Variants in MAML2 observed in about 807,000 individuals in gnomAD.
The protein encoded by MAML2 is mastermind like transcriptional coactivator 2.
MAML2 carries 22 observed loss-of-function variants against 96.1 expected under a neutral mutation model. That is an observed-to-expected ratio of 0.23 (90% confidence interval 0.16 to 0.33). The LOEUF is 0.33. Among genes scored for constraint, MAML2 ranks in the 10% least tolerant of loss-of-function variants. MAML2 has a pLI of 1.00. For missense variants in MAML2, 1,367 were observed against 1,392.4 expected (o/e 0.98, Z 0.29); for synonymous variants, 561 against 521.3 (o/e 1.08, Z -1.04).
chr11:96,238,013 G>T (rs576246591), intron 1 of MAML2, among the ~76,000 whole-genome samples: 2 of 152,130 alleles, frequency 1.3e-5, no homozygotes, highest in Admixed American at 6.5e-5. Flanking sequence ...AATGCTTTCC[G>T]TGCCACCAAA....
intron 1 of MAML2, among the ~76,000 whole-genome samples, chr11:96,121,797 T>TTTTTTTTTTC (rs1221618668): frequency 3.6e-5 from 4 of 110,044 alleles, no homozygotes; most frequent in African/African-American, 1.4e-4. Context: ...TTTTTTTTTT[T>TTTTTTTTTTC]TTTTTTTGAG....
chr11:96,342,441 C>T lies in MAML2; in HGVS notation c.-546G>A. ...GTAACCAGCAGCCTTGACTTTTCCTCAGGTTAAATAAAAAACCAAAACAAA... is the reference window on the plus strand; with the variant it reads ...GTAACCAGCAGCCTTGACTTTTCCTTAGGTTAAATAAAAAACCAAAACAAA... On this transcript the variant is annotated 5_prime_UTR_variant, in exon 1 of 5. Coordinates refer to ENST00000524717, the MANE Select transcript of MAML2 (RefSeq NM_032427.4). The T allele has an allele frequency of 5.0e-6, 2 of 398,690 alleles. No individual in the cohort carries two copies. Among genetic ancestry groups the T allele is most frequent in the Non-Finnish European group, 8.8e-6 (2 of 226,138 alleles). 24.7% of individuals were successfully genotyped at this position (398,690 alleles called of 1,614,324 possible).
intron 1 of MAML2, among the ~76,000 whole-genome samples, chr11:96,150,729 G>A (rs1026563089): frequency 6.6e-5 from 10 of 152,186 alleles, no homozygotes; most frequent in Admixed American, 5.9e-4. Context: ...GATAGTCCTC[G>A]TCTCCATCCC....
intron 2 of MAML2, among the ~76,000 whole-genome samples, chr11:96,011,448 G>A (rs1004024091): frequency 1.3e-5 from 2 of 152,122 alleles, no homozygotes; most frequent in Non-Finnish European, 2.9e-5. Context: ...GGCCATTCTT[G>A]TAAGTGAATG....
At position 96,068,915 on chromosome 11, in the gene MAML2, CTT is replaced by C. The variant is rs71040128; in HGVS notation, c.2139+22975_2139+22976del. 6.5e-3 allele frequency among the ~76,000 whole-genome samples: 695 copies of C among 106,494 alleles called. 7 individuals are homozygous for C. The highest frequency in any genetic ancestry group is 0.02 in the African/African-American group (544 of 26,720). The allele number at this position is 106,494 out of a possible 152,430, so 69.9% of individuals were successfully genotyped here. ...ATAATTTTTCCTTCCTTCTTCCCTC[CTT>C]TTTTTTTTTTTTTTTTTTTTTAAAG... On this transcript the variant is annotated intron_variant, in intron 2 of 4. Transcript: ENST00000524717.
At chr11:96,108,648 T>C (rs2155227) in intron 1 of MAML2, among the ~76,000 whole-genome samples, 28,288 of 152,156 alleles carry the variant, frequency 0.19, 2,917 homozygotes, top group Middle Eastern at 0.28. Context: ...TGACCAATAA[T>C]ACCAGCTATT....
chr11:96,055,761 A>G (rs991809265), intron 2 of MAML2, among the ~76,000 whole-genome samples: 2 of 152,204 alleles, frequency 1.3e-5, no homozygotes, highest in South Asian at 2.1e-4. Flanking sequence ...GTAAACATCA[A>G]TCTTAGGCTG....
chr11:96,227,858 T>C (rs1248260572), intron 1 of MAML2, among the ~76,000 whole-genome samples: 1 of 152,162 alleles, frequency 6.6e-6, no homozygotes, highest in Non-Finnish European at 1.5e-5. Context: ...TCCCAGCATT[T>C]TGGGAGGCCA....
intron 1 of MAML2, among the ~76,000 whole-genome samples, chr11:96,164,010 C>G (rs113558463): frequency 6.6e-6 from 1 of 151,592 alleles, no homozygotes; most frequent in Admixed American, 6.6e-5. Flanking sequence ...CTACAGGTAC[C>G]CATCCACGCC....
intron 3 of MAML2, among the ~76,000 whole-genome samples, chr11:95,989,169 G>A (rs554508735): frequency 4.6e-5 from 7 of 152,330 alleles, no homozygotes; most frequent in Admixed American, 1.3e-4. Flanking sequence ...ATGAGACAAC[G>A]TCTCAATTTA....
chr11:96,027,210 T>TCA (rs1565193157), intron 2 of MAML2, among the ~76,000 whole-genome samples: 9 of 151,588 alleles, frequency 5.9e-5, no homozygotes, highest in African/African-American at 2.2e-4. Context: ...ATGCATTCAT[T>TCA]TATTCATTCA....
chr11:96,269,108 TG>T (rs1862874268), intron 1 of MAML2, among the ~76,000 whole-genome samples: 1 of 145,118 alleles, frequency 6.9e-6, no homozygotes, highest in Non-Finnish European at 1.5e-5. Flanking sequence ...TTATTTTTAT[TG>T]GAACTGCTAG....
chr11:96,296,392 C>G (rs181136397), intron 1 of MAML2, among the ~76,000 whole-genome samples: 37 of 152,276 alleles, frequency 2.4e-4, no homozygotes, highest in African/African-American at 7.0e-4. Context: ...CACCTATAAT[C>G]CCAGCACTTT....
chr11:95,986,759 A>G (rs1857835192), intron 3 of MAML2, among the ~76,000 whole-genome samples: 1 of 152,148 alleles, frequency 6.6e-6, no homozygotes, highest in African/African-American at 2.4e-5. Context: ...CTTTCCTGAC[A>G]CACAATACGA....
At chr11:96,219,157 A>G (rs561932009) in intron 1 of MAML2, among the ~76,000 whole-genome samples, 2 of 152,356 alleles carry the variant, frequency 1.3e-5, no homozygotes, top group South Asian at 2.1e-4. Context: ...CTTTAAAACA[A>G]CATAAATAAG....
In MAML2 at chr11:96,163,863, T is replaced by C. The variant is rs976338488; in HGVS notation, c.514-70346A>G. The stretch of plus-strand genomic sequence containing the variant: ...ATACTGAGCTTTCTTTCTCTCTTTC[T>C]TTTTTTTTTTTTTTTTGAGATGGAG... On this transcript the variant is annotated intron_variant, in intron 1 of 4. Transcript: ENST00000524717. Among the ~76,000 whole-genome samples, 3 of 104 alleles carry C rather than the reference T, an allele frequency of 0.029. No individual in the cohort carries two copies. In the South Asian group the frequency reaches 0.5, roughly 17 times the overall value. The allele number at this position is 104 out of a possible 152,430, so 0.1% of individuals were successfully genotyped here.
chr11:95,996,432 G>A (rs1023178307), intron 2 of MAML2, among the ~76,000 whole-genome samples: 1 of 151,976 alleles, frequency 6.6e-6, no homozygotes, highest in Non-Finnish European at 1.5e-5. Flanking sequence ...TTTCCTTCAC[G>A]GTACCAAAAG....
chr11:96,029,032 CCACT>C (rs1277538827), intron 2 of MAML2, among the ~76,000 whole-genome samples: 1 of 152,146 alleles, frequency 6.6e-6, no homozygotes, highest in African/African-American at 2.4e-5. Flanking sequence ...TCTCCAGGCC[CCACT>C]CACTATCTTC....
In MAML2 at chr11:96,098,943, T is replaced by C. The variant is rs532592427; in HGVS notation, c.514-5426A>G. On this transcript the variant is annotated intron_variant, in intron 1 of 4. Transcript: ENST00000524717. ...GCCATTATTGCACAATCCTCTGGTT[T>C]CTGTTTCTTCCCCTGCCCCCATCCC... Among the ~76,000 whole-genome samples the C allele has an allele frequency of 3.6e-4, 55 of 152,376 alleles. 1 individual carries two copies. The South Asian group carries it at 0.011, about 30-fold the overall frequency.
Sources: gnomAD v4.1 joint callset for allele counts (sites outside exome capture counted in the v4.1 genomes callset) on GRCh38, gnomAD v4.1.1 for gene constraint, MANE v1.5 for transcripts, NCBI Gene and HGNC (gene_info 2026-07-23, HGNC 2026-07-21) for gene names.